The following TLL2 variants were observed in gnomAD, a reference collection of about 807,000 sequenced individuals.
TLL2 encodes the protein tolloid-like protein 2.
In TLL2, 106 loss-of-function variants were observed where a neutral mutation model predicts 123.0. The ratio of observed to expected loss-of-function variants is 0.86; its 90% CI spans 0.74 to 1.01. TLL2 has a LOEUF of 1.01. Ranked by LOEUF, TLL2 falls within the 50% of genes least tolerant of loss-of-function variation. The pLI is 0.00. For missense variants in TLL2, 1,332 were observed against 1,336.7 expected, an observed-to-expected ratio of 1.00 and a Z score of 0.06; for synonymous variants, 494 against 516.8, an observed-to-expected ratio of 0.96 and a Z score of 0.60.
chr10:96,440,271 T>A (rs1376268959), intron 3 of TLL2, among the ~76,000 whole-genome samples: 7 of 152,236 alleles, frequency 4.6e-5, no homozygotes, highest in Non-Finnish European at 1.0e-4. Flanking sequence ...CACTTTATTC[T>A]CCACACCCTG....
intron 1 of TLL2, among the ~76,000 whole-genome samples, chr10:96,507,374 TA>T (rs1847588666): frequency 6.6e-6 from 1 of 152,126 alleles, no homozygotes; most frequent in African/African-American, 2.4e-5. Context: ...TCACATGCCA[TA>T]AAATTCACCC....
intron 20 of TLL2, among the ~76,000 whole-genome samples, chr10:96,368,976 T>C (rs1846053283): frequency 6.6e-6 from 1 of 152,218 alleles, no homozygotes. Flanking sequence ...CTTCCTTTTT[T>C]AGAGGGTGAA....
At chr10:96,511,001 G>C (rs1345250155) in intron 1 of TLL2, among the ~76,000 whole-genome samples, 35 of 152,174 alleles carry the variant, frequency 2.3e-4, no homozygotes, top group Admixed American at 2.3e-3. Flanking sequence ...CGGTAACACA[G>C]ATCCTGAAAA....
In TLL2 at chr10:96,419,507, A is replaced by G. The variant is rs1032818222; in HGVS notation, c.923+1449T>C. ...TTCATCACACCATGTTTCTTTTACT[A>G]TCTTTGGAAAAGAGCCAGGAGAAGG... On this transcript the variant is annotated intron_variant, in intron 7 of 20. Coordinates refer to ENST00000357947, the MANE Select transcript of TLL2 (RefSeq NM_012465.4). 7.2e-5 allele frequency among the ~76,000 whole-genome samples: 11 copies of G among 152,226 alleles called. No individual in the cohort carries two copies. The East Asian group carries it at 9.7e-4, about 13-fold the overall frequency.
chr10:96,385,824 C>G (rs999302662), intron 15 of TLL2, among the ~76,000 whole-genome samples: 1 of 152,186 alleles, frequency 6.6e-6, no homozygotes, highest in African/African-American at 2.4e-5. Context: ...TGTCCTGATT[C>G]TCCTTGGATG....
At chr10:96,458,932 C>CA (rs1195854494) in intron 2 of TLL2, among the ~76,000 whole-genome samples, 2 of 151,564 alleles carry the variant, frequency 1.3e-5, no homozygotes, top group African/African-American at 4.9e-5. Flanking sequence ...CTTGTCTCTA[C>CA]AAAAAAATTT....
In TLL2 at chr10:96,395,909, C is replaced by T; in HGVS notation, c.1496G>A (p.Gly499Glu). 2 of 1,614,172 alleles carry T rather than the reference C, an allele frequency of 1.2e-6. No individual in the cohort carries two copies. The highest frequency in any genetic ancestry group is 2.2e-5 in the East Asian group (1 of 44,880). ...TTGGAAGGTAAGTCCCACGTGAAACCCCTCTGAAACCGTAATCCTCCAGAC... is the reference window on the plus strand; with the variant it reads ...TTGGAAGGTAAGTCCCACGTGAAACTCCTCTGAAACCGTAATCCTCCAGAC... The part of the protein sequence containing the change: ...ECVWRITVSE[G>E]FHVGLTFQAF... Residue 499 changes from glycine (G) to glutamate (E), a missense_variant, in exon 12 of 21, where the codon GGG becomes GAG. By Grantham distance (98) the Gly-to-Glu change is moderately conservative. Coordinates refer to ENST00000357947, the MANE Select transcript of TLL2 (RefSeq NM_012465.4).
At chr10:96,384,799 A>G in intron 15 of TLL2, 32 bp from the exon 16 acceptor site, 1 of 1,545,422 alleles carries the variant, frequency 6.5e-7, no homozygotes. Flanking sequence ...AGCTTCCCAG[A>G]GTCCCTGTCC....
At chr10:96,411,886 A>G (rs1846510723) in intron 8 of TLL2, among the ~76,000 whole-genome samples, 1 of 152,164 alleles carries the variant, frequency 6.6e-6, no homozygotes, top group Admixed American at 6.5e-5. Flanking sequence ...ACATTACTGA[A>G]CAACTGCCAG....
chr10:96,367,177 T>G lies in TLL2; in HGVS notation c.*911A>C, dbSNP rs1412269297. On this transcript the variant is annotated 3_prime_UTR_variant, in exon 21 of 21. Coordinates refer to ENST00000357947, the MANE Select transcript of TLL2 (RefSeq NM_012465.4). Reference sequence around the variant, plus strand: ...CCTCATAAGAGGTCTTTGCACATTTTGCAAATGCAGTTTGAATTGGATGTC... The same window carrying G: ...CCTCATAAGAGGTCTTTGCACATTTGGCAAATGCAGTTTGAATTGGATGTC... The G allele has an allele frequency of 6.6e-6, 1 of 152,268 alleles. No homozygotes were observed. Among genetic ancestry groups the G allele is most frequent in the African/African-American group, 2.4e-5 (1 of 41,466 alleles). The allele number at this position is 152,268 out of a possible 1,614,324, so 9.4% of individuals were successfully genotyped here.
At chr10:96,466,829 C>T (rs1450291733) in intron 2 of TLL2, among the ~76,000 whole-genome samples, 2 of 152,076 alleles carry the variant, frequency 1.3e-5, no homozygotes, top group Non-Finnish European at 2.9e-5. Context: ...GTATCCAGTC[C>T]CCATTACACT....
chr10:96,396,901 T>C (rs1409143924), intron 11 of TLL2, among the ~76,000 whole-genome samples: 1 of 152,110 alleles, frequency 6.6e-6, no homozygotes, highest in African/African-American at 2.4e-5. Flanking sequence ...ATCCCCCCAA[T>C]ACCGTCCTGT....
chr10:96,369,169 G>C (rs1328967542), intron 20 of TLL2, among the ~76,000 whole-genome samples: 1 of 152,206 alleles, frequency 6.6e-6, no homozygotes, highest in Non-Finnish European at 1.5e-5. Context: ...GCAGTGTCCA[G>C]TGCGGTGCAG....
intron 5 of TLL2, among the ~76,000 whole-genome samples, chr10:96,426,222 T>C (rs1846676595): frequency 6.6e-6 from 1 of 152,120 alleles, no homozygotes; most frequent in Non-Finnish European, 1.5e-5. Context: ...CCTAGATAAA[T>C]GTATTTGGCA....
intron 2 of TLL2, among the ~76,000 whole-genome samples, chr10:96,458,227 A>G (rs1297033667): frequency 1.3e-5 from 2 of 152,054 alleles, no homozygotes; most frequent in African/African-American, 4.8e-5. Flanking sequence ...ATGGGAGGAG[A>G]TGAAGGGAAA....
intron 3 of TLL2, among the ~76,000 whole-genome samples, chr10:96,439,524 T>C (rs945750544): frequency 6.6e-6 from 1 of 152,206 alleles, no homozygotes; most frequent in Admixed American, 6.5e-5. Context: ...GATTTGCTGC[T>C]GCTAACATCA....
chr10:96,475,793 G>T (rs952125176), intron 2 of TLL2, among the ~76,000 whole-genome samples: 7 of 152,190 alleles, frequency 4.6e-5, no homozygotes, highest in African/African-American at 7.2e-5. Flanking sequence ...TACAGCTCCC[G>T]TAATTCCAAG....
At chr10:96,450,045 G>C (rs1281228906) in intron 2 of TLL2, among the ~76,000 whole-genome samples, 2 of 152,162 alleles carry the variant, frequency 1.3e-5, no homozygotes, top group Admixed American at 6.5e-5. Flanking sequence ...AAGGGATTTT[G>C]TTATGTCTAA....
chr10:96,458,624 A>C (rs1422569512), intron 2 of TLL2, among the ~76,000 whole-genome samples: 1 of 129,924 alleles, frequency 7.7e-6, no homozygotes, highest in East Asian at 2.4e-4. Context: ...AAAAAAAATC[A>C]GCCAGTCGTG....
Sources: gnomAD v4.1 joint callset for allele counts (sites outside exome capture counted in the v4.1 genomes callset) on GRCh38, gnomAD v4.1.1 for gene constraint, MANE v1.5 for transcripts, NCBI Gene and HGNC (gene_info 2026-07-23, HGNC 2026-07-21) for gene names.